Variants in EDIL3 observed in about 807,000 individuals in gnomAD.
EDIL3 encodes the protein EGF-like repeat and discoidin I-like domain-containing protein 3.
A neutral mutation model predicts 67.4 loss-of-function variants in EDIL3; 37 were observed. The ratio of observed to expected loss-of-function variants is 0.55; its 90% confidence interval spans 0.42 to 0.72. The LOEUF (loss-of-function observed/expected upper bound fraction) is 0.72. EDIL3 is among the 30% of genes least tolerant of loss of function. The pLI is 0.00. For synonymous variants in EDIL3, 195 were observed against 196.3 expected (o/e 0.99, Z 0.05); for missense variants, 527 against 586.3 (o/e 0.90, Z 1.04).
intron 5 of EDIL3, among the ~76,000 whole-genome samples, chr5:84,130,495 G>T (rs544611320): frequency 6.6e-6 from 1 of 152,138 alleles, no homozygotes; most frequent in Non-Finnish European, 1.5e-5. Flanking sequence ...CAGTTTTCTT[G>T]TAAAACTTAT....
intron 9 of EDIL3, among the ~76,000 whole-genome samples, chr5:84,005,138 T>A (rs1269821872): frequency 6.6e-6 from 1 of 151,972 alleles, no homozygotes. Flanking sequence ...CTGGAAGAAA[T>A]TGAAACCCTG....
At chr5:84,355,720 C>A (rs559862915) in intron 1 of EDIL3, among the ~76,000 whole-genome samples, 2 of 152,100 alleles carry the variant, frequency 1.3e-5, no homozygotes, top group Non-Finnish European at 2.9e-5. Flanking sequence ...AGGTGTCTGT[C>A]GACCCCTGCC....
intron 2 of EDIL3, among the ~76,000 whole-genome samples, chr5:84,241,368 T>C (rs1187787228): frequency 1.3e-5 from 2 of 152,218 alleles, no homozygotes; most frequent in Admixed American, 1.3e-4. Flanking sequence ...CTAATATTAA[T>C]GTGCTATCAT....
intron 1 of EDIL3, among the ~76,000 whole-genome samples, chr5:84,279,440 T>C (rs535130186): frequency 1.3e-5 from 2 of 152,350 alleles, no homozygotes; most frequent in Non-Finnish European, 2.9e-5. Context: ...TTTTGGTTTG[T>C]ACACAATAGT....
intron 9 of EDIL3, among the ~76,000 whole-genome samples, chr5:84,017,447 T>C (rs1049712346): frequency 6.6e-6 from 1 of 152,234 alleles, no homozygotes; most frequent in Admixed American, 6.5e-5. Context: ...ACTTTGTTTA[T>C]GAATTTAAAA....
At chr5:84,180,776 C>T (rs150264344) in intron 3 of EDIL3, among the ~76,000 whole-genome samples, 4 of 152,086 alleles carry the variant, frequency 2.6e-5, no homozygotes, top group Non-Finnish European at 4.4e-5. Flanking sequence ...AATGTCAATA[C>T]TAAAAAATTT....
chr5:84,284,439 G>A (rs978487898), intron 1 of EDIL3, among the ~76,000 whole-genome samples: 14 of 151,940 alleles, frequency 9.2e-5, no homozygotes, highest in African/African-American at 3.1e-4. Context: ...TGTGCCTCCA[G>A]ACCATGAAAT....
In EDIL3 at chr5:84,291,113, T is replaced by C. The variant is rs372452328; in HGVS notation, c.68-36901A>G. ...AGTGCCTGCCCAACAGTGAGTTTAG[T>C]TGACAGAATCAAGCAAGTTACTCGT... On this transcript the variant is annotated intron_variant, in intron 1 of 10. Transcript: ENST00000296591. 1.2e-4 allele frequency among the ~76,000 whole-genome samples: 19 copies of C among 152,260 alleles called. No individual in the cohort carries two copies. In the East Asian group the frequency reaches 2.3e-3, roughly 19 times the overall value.
intron 9 of EDIL3, among the ~76,000 whole-genome samples, chr5:83,996,678 A>C (rs192962410): frequency 1.9e-3 from 283 of 152,304 alleles, no homozygotes; most frequent in Non-Finnish European, 3.5e-3. Context: ...AATGCAAGGT[A>C]ATGAGTGCTA....
chr5:84,031,048 AC>A (rs1580288730), intron 9 of EDIL3, among the ~76,000 whole-genome samples: 1 of 152,256 alleles, frequency 6.6e-6, no homozygotes, highest in East Asian at 1.9e-4. Flanking sequence ...CCATGTCTTC[AC>A]ATGGTCTTTC....
At chr5:84,120,700 A>C (rs529231867) in intron 5 of EDIL3, among the ~76,000 whole-genome samples, 6 of 152,012 alleles carry the variant, frequency 3.9e-5, no homozygotes, top group Non-Finnish European at 7.4e-5. Context: ...CAGCATTTTG[A>C]AAGTGTATCA....
intron 2 of EDIL3, among the ~76,000 whole-genome samples, chr5:84,231,884 G>C (rs1219911732): frequency 4.6e-5 from 7 of 151,670 alleles, no homozygotes; most frequent in Admixed American, 4.6e-4. Context: ...AGATTCAAAA[G>C]AAAAAAAATC....
chr5:84,086,116 T>C (rs1747064999), intron 6 of EDIL3, among the ~76,000 whole-genome samples: 2 of 152,202 alleles, frequency 1.3e-5, no homozygotes, highest in South Asian at 4.1e-4. Flanking sequence ...TGGGACCTGC[T>C]GAGTGAGACC....
chr5:84,187,688 A>G (rs1391134859), intron 3 of EDIL3, among the ~76,000 whole-genome samples: 9 of 152,038 alleles, frequency 5.9e-5, no homozygotes, highest in Admixed American at 5.9e-4. Context: ...TTTACATTTA[A>G]TAATTTTTTA....
chr5:84,261,750 CAAAT>C (rs1280062019), intron 1 of EDIL3, among the ~76,000 whole-genome samples: 1 of 152,092 alleles, frequency 6.6e-6, no homozygotes, highest in Non-Finnish European at 1.5e-5. Flanking sequence ...AGACAAAAAT[CAAAT>C]AAATGAACAA....
chr5:84,021,400 C>T (rs1048548478), intron 9 of EDIL3, among the ~76,000 whole-genome samples: 3 of 151,862 alleles, frequency 2.0e-5, no homozygotes, highest in Non-Finnish European at 2.9e-5. Context: ...GTATCTCACA[C>T]GTTTCCATTT....
rs561811900 is a variant in EDIL3, at chr5:84,038,193, C to A, written c.1137+22107G>T. On this transcript the variant is annotated intron_variant, in intron 9 of 10. Coordinates refer to ENST00000296591, the MANE Select transcript of EDIL3 (RefSeq NM_005711.5). ...ATGGAATTCTCTTCTCCATTTCATGCTCCTGAGTGGCTCTCCTTACGCGGT... is the reference window on the plus strand; with the variant it reads ...ATGGAATTCTCTTCTCCATTTCATGATCCTGAGTGGCTCTCCTTACGCGGT... Among the ~76,000 whole-genome samples the A allele has an allele frequency of 1.1e-4, 16 of 151,934 alleles. 1 individual carries two copies. Among genetic ancestry groups the A allele is most frequent in the African/African-American group, 3.6e-4 (15 of 41,432 alleles).
intron 3 of EDIL3, among the ~76,000 whole-genome samples, chr5:84,219,767 A>C (rs974720342): frequency 6.6e-6 from 1 of 152,214 alleles, no homozygotes; most frequent in African/African-American, 2.4e-5. Flanking sequence ...TGGACAATGG[A>C]GTACTATTCA....
chr5:84,095,620 A>G (rs1392292847), intron 6 of EDIL3, among the ~76,000 whole-genome samples: 1 of 152,260 alleles, frequency 6.6e-6, no homozygotes, highest in Non-Finnish European at 1.5e-5. Flanking sequence ...ATTTCTAAGC[A>G]GCAAAGCATT....
Sources: gnomAD v4.1 joint callset for allele counts (sites outside exome capture counted in the v4.1 genomes callset) on GRCh38, gnomAD v4.1.1 for gene constraint, MANE v1.5 for transcripts, NCBI Gene and HGNC (gene_info 2026-07-23, HGNC 2026-07-21) for gene names.